Variants in JAZF1 observed in about 807,000 individuals in gnomAD.
JAZF1 encodes JAZF zinc finger 1.
In JAZF1, 8 loss-of-function variants were observed where a neutral mutation model predicts 26.4. The observed-to-expected ratio is 0.30, with a 90% CI of 0.18 to 0.55. JAZF1 has a LOEUF of 0.55. JAZF1 is among the 20% of genes least tolerant of loss of function. JAZF1 has a pLI of 0.94. For missense variants in JAZF1, 199 were observed against 322.0 expected (o/e 0.62, Z 2.92); for synonymous variants, 126 against 122.3 (o/e 1.03, Z -0.20).
intron 3 of JAZF1, chr7:27,863,938 G>A (rs1047149071): frequency 2.6e-5 from 4 of 152,244 alleles, no homozygotes; most frequent in African/African-American, 9.7e-5. Flanking sequence ...AAACTCACAA[G>A]TTGATGGAAT....
At chr7:27,866,093 C>T (rs1319208585) in intron 3 of JAZF1, among the ~76,000 whole-genome samples, 1 of 152,150 alleles carries the variant, frequency 6.6e-6, no homozygotes, top group Admixed American at 6.5e-5. Context: ...AACCTCAGCT[C>T]GTCTTCATCG....
chr7:27,960,319 T>C (rs1034540286), intron 2 of JAZF1, among the ~76,000 whole-genome samples: 3 of 152,258 alleles, frequency 2.0e-5, no homozygotes, highest in Non-Finnish European at 4.4e-5. Context: ...AACCTCTAAA[T>C]GCTAATTTTT....
intron 2 of JAZF1, among the ~76,000 whole-genome samples, chr7:27,911,544 T>C (rs1583460136): frequency 6.6e-6 from 1 of 152,346 alleles, no homozygotes; most frequent in African/African-American, 2.4e-5. Context: ...AGCCAAGGAA[T>C]GAAATTTATA....
rs112011020 is a variant in JAZF1 at position 27,929,936 on chromosome 7, T to TTCTCTCTCTCTCTC, written c.189-34534_189-34521dup. On this transcript the variant is annotated intron_variant, in intron 2 of 4. Transcript: ENST00000283928. ...TATCCCTTCCTCCATATTTTCTGCA[T>TTCTCTCTCTCTCTC]TCTCTCTCTCTCTCTCTCTCTCTCC... Among the ~76,000 whole-genome samples, 18 of 144,788 alleles carry TTCTCTCTCTCTCTC rather than the reference T, an allele frequency of 1.2e-4. No homozygotes were observed. In the South Asian group the frequency reaches 2.0e-3, roughly 16 times the overall value. 95.0% of individuals were successfully genotyped at this position (144,788 alleles called of 152,430 possible).
At chr7:28,112,135 T>C (rs1042271567) in intron 1 of JAZF1, among the ~76,000 whole-genome samples, 1 of 152,200 alleles carries the variant, frequency 6.6e-6, no homozygotes, top group African/African-American at 2.4e-5. Flanking sequence ...TGACAGATAC[T>C]TGGCTGTCCC....
intron 3 of JAZF1, among the ~76,000 whole-genome samples, chr7:27,854,995 C>T (rs1165959957): frequency 1.3e-5 from 2 of 152,218 alleles, no homozygotes; most frequent in African/African-American, 4.8e-5. Context: ...CTTTCAGGTA[C>T]ACCAATCAAA....
At chr7:27,947,915 C>T (rs1216623046) in intron 2 of JAZF1, among the ~76,000 whole-genome samples, 1 of 152,194 alleles carries the variant, frequency 6.6e-6, no homozygotes, top group African/African-American at 2.4e-5. Context: ...TCTCTACCTC[C>T]AGCATCCACG....
intron 1 of JAZF1, among the ~76,000 whole-genome samples, chr7:28,129,195 G>A (rs1197764782): frequency 2.6e-5 from 4 of 152,058 alleles, no homozygotes; most frequent in Non-Finnish European, 5.9e-5. Context: ...TCATATTTTA[G>A]AGAGAATCAT....
At chr7:27,888,941 T>C (rs777438667) in intron 3 of JAZF1, among the ~76,000 whole-genome samples, 4 of 152,168 alleles carry the variant, frequency 2.6e-5, no homozygotes, top group Non-Finnish European at 5.9e-5. Flanking sequence ...GGCTTCTCCA[T>C]TAAGACATGA....
intron 1 of JAZF1, among the ~76,000 whole-genome samples, chr7:28,153,888 A>G (rs571707950): frequency 4.0e-4 from 61 of 152,280 alleles, no homozygotes; most frequent in African/African-American, 1.2e-3. Context: ...TTTGCAAAAC[A>G]TGTATCCTCT....
At chr7:27,846,392 C>T (rs1419889500) in intron 3 of JAZF1, 32 of 419,712 alleles carry the variant, frequency 7.6e-5, no homozygotes, top group Non-Finnish European at 1.0e-4. Flanking sequence ...CGTATATATA[C>T]ATATACGTAT....
At chr7:27,944,823 T>C (rs1259983603) in intron 2 of JAZF1, among the ~76,000 whole-genome samples, 1 of 152,140 alleles carries the variant, frequency 6.6e-6, no homozygotes, top group Non-Finnish European at 1.5e-5. Context: ...GGGAGCTTCA[T>C]TTCTATTTTG....
Position 27,832,865 on chromosome 7 carries a change from G to T in JAZF1, c.667C>A (p.Arg223=), listed in dbSNP as rs562255429. ...GGATGGAAATTGATTGTGTGGTGCC[G>T]CAGGCCCTGAGCTGTCTTGTAACTC... ...GKSYKTAQGL[R]HHTINFHPPV... is the part of the protein sequence containing the mutation. Residue 223 remains arginine, a synonymous_variant, in exon 5 of 5, where the codon CGG becomes AGG. Coordinates refer to ENST00000283928, the MANE Select transcript of JAZF1 (RefSeq NM_175061.4). The T allele has an allele frequency of 1.2e-6, 2 of 1,611,114 alleles. No homozygotes were observed. The highest frequency in any genetic ancestry group is 1.7e-5 in the Admixed American group (1 of 59,280).
intron 3 of JAZF1, among the ~76,000 whole-genome samples, chr7:27,865,825 T>C (rs1015181346): frequency 5.9e-5 from 9 of 152,182 alleles, no homozygotes; most frequent in Admixed American, 6.5e-5. Flanking sequence ...CACAGATTGA[T>C]GGACAGTATG....
intron 2 of JAZF1, among the ~76,000 whole-genome samples, chr7:27,950,028 C>T (rs777781162): frequency 1.6e-4 from 25 of 152,162 alleles, no homozygotes; most frequent in Non-Finnish European, 3.4e-4. Flanking sequence ...CTGCTTTTCA[C>T]GATACTTTTG....
chr7:28,059,967 T>C (rs893391418), intron 1 of JAZF1, among the ~76,000 whole-genome samples: 8 of 152,214 alleles, frequency 5.3e-5, no homozygotes, highest in Non-Finnish European at 1.0e-4. Context: ...AATGTGTTGG[T>C]ATCTTTAATC....
chr7:28,019,928 T>G (rs879350041), intron 1 of JAZF1, among the ~76,000 whole-genome samples: 1 of 152,130 alleles, frequency 6.6e-6, no homozygotes, highest in African/African-American at 2.4e-5. Context: ...GGAAAGGTAT[T>G]ATAATTCATC....
intron 3 of JAZF1, among the ~76,000 whole-genome samples, chr7:27,887,976 C>A (rs1562519399): frequency 6.6e-6 from 1 of 152,002 alleles, no homozygotes; most frequent in Non-Finnish European, 1.5e-5. Context: ...GAGGAAGAGA[C>A]AAGGATTAGA....
Position 27,900,577 on chromosome 7 carries a change from T to C in JAZF1, c.189-5161A>G, listed in dbSNP as rs189719470. Reference sequence around the variant, plus strand: ...TTTCCTCCCCAAGTCAGTTCAACATTTGCCAGTACACCTTCTAGTGATTAT... The same window carrying C: ...TTTCCTCCCCAAGTCAGTTCAACATCTGCCAGTACACCTTCTAGTGATTAT... On this transcript the variant is annotated intron_variant, in intron 2 of 4. Transcript: ENST00000283928. Among the ~76,000 whole-genome samples the C allele has an allele frequency of 3.7e-3, 561 of 152,290 alleles. 2 individuals are homozygous for C. The highest frequency in any genetic ancestry group is 0.013 in the African/African-American group (530 of 41,560).
Sources: gnomAD v4.1 joint callset for allele counts (sites outside exome capture counted in the v4.1 genomes callset) on GRCh38, gnomAD v4.1.1 for gene constraint, MANE v1.5 for transcripts, NCBI Gene and HGNC (gene_info 2026-07-23, HGNC 2026-07-21) for gene names.